SPTBN5: variants seen among roughly 807,000 people sequenced by gnomAD.
The protein encoded by SPTBN5 is spectrin beta chain, non-erythrocytic 5.
SPTBN5 carries 513 observed loss-of-function variants against 477.6 expected under a neutral mutation model. That is an observed-to-expected ratio of 1.07 (90% CI 1.00 to 1.16). The LOEUF (loss-of-function observed/expected upper bound fraction) is 1.16, where lower values mean the gene tolerates loss of function less well. SPTBN5 is among the 50% of genes most tolerant of loss of function. SPTBN5 has a pLI of 0.00. For synonymous variants in SPTBN5, 2,169 were observed against 2,011.7 expected, an observed-to-expected ratio of 1.08 and a Z score of -2.09; for missense variants, 5,062 against 4,731.8, an observed-to-expected ratio of 1.07 and a Z score of -2.05.
At chr15:41,872,571 C>T (rs1005417471) in intron 26 of SPTBN5, 112 bp from the exon 27 acceptor site, 132 of 1,162,526 alleles carry the variant, frequency 1.1e-4, no homozygotes, top group African/African-American at 2.9e-4. Context: ...ACCACTCACA[C>T]GCCCATCCAT....
rs752339436 is a variant in SPTBN5, at chr15:41,887,238, T to G, written c.863A>C (p.Gln288Pro). ...CTTAGTGAGTCTCCTCTGGACAGTC[T>G]GCCCCTGATGCAGGCGGGAGCAGTA... ...YHYCSRLHQG[Q>P]TVQRRLTKIL... The change falls in exon 6 of 68, where the codon CAG (glutamine) becomes CCG (proline). Residue 288 changes from glutamine (Q) to proline (P), a missense_variant. Coordinates refer to ENST00000320955, the MANE Select transcript of SPTBN5 (RefSeq NM_016642.4). 1 of 1,551,518 alleles carries G rather than the reference T, an allele frequency of 6.4e-7. No individual in the cohort carries two copies. Among genetic ancestry groups the G allele is most frequent in the South Asian group, 1.2e-5 (1 of 84,046 alleles).
chr15:41,854,763 C>A lies in SPTBN5; in HGVS notation c.9618+19G>T, dbSNP rs1321879474. On this transcript the variant is annotated intron_variant, in intron 56 of 67. Transcript: ENST00000320955. ...AGACTCTGACACCCCTTAGCTTGGC[C>A]CGGCCTGTGATCACCTACCTCTGTG... 2.7e-6 allele frequency: 4 copies of A among 1,482,530 alleles called. No homozygotes were observed. Among genetic ancestry groups the A allele is most frequent in the African/African-American group, 1.4e-5 (1 of 70,162 alleles). The allele number at this position is 1,482,530 out of a possible 1,614,324, so 91.8% of individuals were successfully genotyped here. A position where few individuals can be genotyped will look rare whatever the true frequency, so the allele number is the denominator to read the frequency against.
At chr15:41,893,100 C>G in intron 2 of SPTBN5, 39 bp from the exon 3 acceptor site, 2 of 1,584,064 alleles carry the variant, frequency 1.3e-6, no homozygotes, top group Non-Finnish European at 8.5e-7. Flanking sequence ...GTCAGCCCAG[C>G]CTCACCTGTC....
rs1280541220 is a variant in SPTBN5, at chr15:41,887,222, TCTC to T, written c.876_878del (p.Arg293del). On this transcript the variant is annotated inframe_deletion, in exon 6 of 68. Coordinates refer to ENST00000320955, the MANE Select transcript of SPTBN5 (RefSeq NM_016642.4). ...CTCCTTTCTCCCCCACCTTAGTGAG[TCTC>T]CTCTGGACAGTCTGCCCCTGATGCA... 3.2e-6 allele frequency: 5 copies of T among 1,550,890 alleles called. No homozygotes were observed. The highest frequency in any genetic ancestry group is 4.4e-6 in the Non-Finnish European group (5 of 1,146,700).
At chr15:41,868,739 A>G (rs1224838993) in intron 32 of SPTBN5, 138 bp from the exon 33 acceptor site, 3 of 736,706 alleles carry the variant, frequency 4.1e-6, no homozygotes, top group Non-Finnish European at 6.7e-6. Context: ...CGGGTGAGGC[A>G]CATGTGGCCC....
At position 41,892,920 on chromosome 15, in the gene SPTBN5, G is replaced by A. The variant is rs769053067; in HGVS notation, c.358C>T (p.Arg120Ter). The A allele has an allele frequency of 3.1e-6, 5 of 1,605,324 alleles. No individual in the cohort carries two copies. Among genetic ancestry groups the A allele is most frequent in the East Asian group, 2.2e-5 (1 of 44,818 alleles). ...TTGGCCCTGAGGAAGGCCAGAGCTC[G>A]GCTGCTGTTCTCCAGGAAGTGCACA... ...LRVHFLENSS[R>*]ALAFLRAKVP... The change falls in exon 3 of 68, where the codon CGA (arginine) becomes TGA (stop). Residue 120 changes from arginine to a stop codon, truncating the protein, a stop_gained. Transcript: ENST00000320955. LOFTEE classifies it high-confidence loss of function.
intron 47 of SPTBN5, among the ~76,000 whole-genome samples, chr15:41,859,544 TGAG>T (rs2066033052): frequency 6.6e-6 from 1 of 152,066 alleles, no homozygotes; most frequent in Admixed American, 6.6e-5. Context: ...TAAGTGAAAA[TGAG>T]GTCATATGGG....
chr15:41,887,176 G>A, intron 6 of SPTBN5, 37 bp downstream of exon 6: 1 of 1,536,776 alleles, frequency 6.5e-7, no homozygotes, highest in South Asian at 1.2e-5. Context: ...TCTGCCTCTG[G>A]AGCCCTTGCT....
In SPTBN5 at chr15:41,874,455, A is replaced by G. The variant is rs1238280790; in HGVS notation, c.4526T>C (p.Leu1509Pro). ...LRRLELLQGH[L>P]AIRGLQLQAS... ...CTGCAGCTGCAGGCCCCGGATGGCC[A>G]GATGCCCCTGCAGAAGCTCCAGCCT... Residue 1509 changes from leucine (L) to proline (P), a missense_variant, in exon 24 of 68, where the codon CTG becomes CCG. Physicochemically the swap from Leu to Pro is moderately conservative, Grantham distance 98 (BLOSUM62 -3). Transcript: ENST00000320955. 1 of 1,610,778 alleles carries G rather than the reference A, an allele frequency of 6.2e-7. No homozygotes were observed. Among genetic ancestry groups the G allele is most frequent in the Non-Finnish European group, 8.5e-7 (1 of 1,178,980 alleles).
At chr15:41,893,216 A>G (rs2067368016) in intron 2 of SPTBN5, 66 bp downstream of exon 2, 9 of 1,604,890 alleles carry the variant, frequency 5.6e-6, no homozygotes, top group Middle Eastern at 1.7e-4. Context: ...CTCACCCCGG[A>G]GGCCCACTGG....
intron 34 of SPTBN5, among the ~76,000 whole-genome samples, 167 bp downstream of exon 34, chr15:41,867,902 G>A (rs996949396): frequency 6.6e-5 from 10 of 152,364 alleles, no homozygotes; most frequent in South Asian, 6.2e-4. Context: ...GTCAGTGGAC[G>A]CTCAGGGGCC....
chr15:41,862,336 C>T (rs575330745), intron 43 of SPTBN5, 44 bp from the exon 44 acceptor site: 1 of 1,556,382 alleles, frequency 6.4e-7, no homozygotes, highest in East Asian at 2.3e-5. Flanking sequence ...CTTCAAACCC[C>T]TCTCCCCCAT....
chr15:41,851,997 A>C, intron 62 of SPTBN5, 147 bp from the exon 63 acceptor site: 1 of 914,536 alleles, frequency 1.1e-6, no homozygotes. Context: ...ATCAGATGAG[A>C]TCGGGCATGT....
intron 8 of SPTBN5, 47 bp downstream of exon 8, chr15:41,883,301 C>A (rs1231301888): frequency 1.9e-6 from 3 of 1,607,816 alleles, no homozygotes; most frequent in Middle Eastern, 1.7e-4. Context: ...CTGGGGAAGT[C>A]CCCCACCTTG....
intron 34 of SPTBN5, 73 bp from the exon 35 acceptor site, chr15:41,867,715 A>T: frequency 7.1e-7 from 1 of 1,413,828 alleles, no homozygotes; most frequent in South Asian, 1.1e-5. Context: ...GTCTGTGCCC[A>T]TGGGCACTCT....
Position 41,871,415 on chromosome 15 carries a change from T to G in SPTBN5, c.5407A>C (p.Ser1803Arg). 1 of 1,537,870 alleles carries G rather than the reference T, an allele frequency of 6.5e-7. No homozygotes were observed. The highest frequency in any genetic ancestry group is 8.8e-7 in the Non-Finnish European group (1 of 1,140,804). ...LAESLLERGH[S>R]AGPMVRQRQQ... ...CTCTGACGGACCATGGGGCCAGCACTGTGCCCACGCTCTAGCAGGCTCTCC... is the reference window on the plus strand; with the variant it reads ...CTCTGACGGACCATGGGGCCAGCACGGTGCCCACGCTCTAGCAGGCTCTCC... Residue 1803 changes from serine (S) to arginine (R), a missense_variant, in exon 29 of 68, where the codon AGT becomes CGT. Transcript: ENST00000320955.
In SPTBN5 at chr15:41,878,458, T is replaced by C. The variant is rs1282282501; in HGVS notation, c.3354A>G (p.Ala1118=). Residue 1118 remains alanine, a synonymous_variant, in exon 17 of 68, where the codon GCA becomes GCG. Coordinates refer to ENST00000320955, the MANE Select transcript of SPTBN5 (RefSeq NM_016642.4). ...TGCGCAGCTGAGCCTGGACACTCTC[T>C]GCCCACAGTAGCAGTTGCTGGCTCT... ...LQESQQLLLW[A]ESVQAQLRSK... 3 of 1,613,666 alleles carry C rather than the reference T, an allele frequency of 1.9e-6. No homozygotes were observed. Among genetic ancestry groups the C allele is most frequent in the Non-Finnish European group, 2.5e-6 (3 of 1,179,874 alleles).
rs541485719 is a variant in SPTBN5 at position 41,893,045 on chromosome 15, C to T, written c.233G>A (p.Arg78Gln). 1.7e-4 allele frequency: 266 copies of T among 1,611,234 alleles called. 1 individual carries two copies. The highest frequency in any genetic ancestry group is 9.9e-4 in the Middle Eastern group (6 of 6,080). The change falls in exon 3 of 68, where the codon CGG becomes CAG. Residue 78 changes from arginine (R) to glutamine (Q), a missense_variant. By Grantham distance (43) the Arg-to-Gln change is conservative. Transcript: ENST00000320955. Reference protein sequence around the residue: ...FQCGQAGIKIRNLYTELADGI... With the variant: ...FQCGQAGIKIQNLYTELADGI... ...GTCAGCCAGCTCTGTGTACAGGTTCCGGATCTTGATGCCCGCCTGGGGAGG... is the reference window on the plus strand; with the variant it reads ...GTCAGCCAGCTCTGTGTACAGGTTCTGGATCTTGATGCCCGCCTGGGGAGG...
In SPTBN5 at chr15:41,882,381, G is replaced by T; in HGVS notation, c.2135C>A (p.Thr712Lys). The part of the protein sequence containing the change: ...GRDLSARRPP[T>K]QPDPGERAEA... The stretch of plus-strand genomic sequence containing the variant: ...TGCCCGTTCCCCGGGATCCGGCTGC[G>T]TTGGGGGCCTGCGGGCGCTGAGGTC... Residue 712 changes from threonine to lysine, a missense_variant, in exon 11 of 68, where the codon ACG becomes AAG. Thr to Lys is a moderately conservative substitution (Grantham distance 78). Transcript: ENST00000320955. 1.3e-6 allele frequency: 2 copies of T among 1,537,704 alleles called. No individual in the cohort carries two copies. Among genetic ancestry groups the T allele is most frequent in the Non-Finnish European group, 1.7e-6 (2 of 1,147,644 alleles).
Sources: allele counts gnomAD v4.1 joint callset (sites outside exome capture counted in the v4.1 genomes callset), GRCh38; gene constraint gnomAD v4.1.1; transcripts MANE v1.5; gene names NCBI Gene and HGNC (gene_info 2026-07-23, HGNC 2026-07-21).